The following NBR1 variants were observed in gnomAD, a reference collection of about 807,000 sequenced individuals.
NBR1 encodes next to BRCA1 gene 1 protein.
In NBR1, 59 loss-of-function variants were observed where a neutral mutation model predicts 115.5. The observed-to-expected ratio is 0.51, with a 90% CI of 0.41 to 0.63. NBR1 has a LOEUF of 0.63. Ranked by LOEUF, NBR1 falls within the 30% of genes least tolerant of loss-of-function variation. NBR1 has a pLI of 0.00. For synonymous variants in NBR1, 373 were observed against 414.7 expected, an observed-to-expected ratio of 0.90 and a Z score of 1.22; for missense variants, 1,043 against 1,150.5, an observed-to-expected ratio of 0.91 and a Z score of 1.35.
Position 43,197,064 on chromosome 17 carries a change from G to GC in NBR1, c.1988dup (p.Asp664ArgfsTer19). 6.2e-7 allele frequency: 1 copy of GC among 1,614,008 alleles called. No individual in the cohort carries two copies. The highest frequency in any genetic ancestry group is 8.5e-7 in the Non-Finnish European group (1 of 1,179,888). ...AATCCGATCCCTTACCTTGGATGCT[G>GC]CCCCAGACCACAACCCTCCTTGCAG... On this transcript the variant is annotated frameshift_variant, in exon 16 of 21. Transcript: ENST00000590996. LOFTEE classifies it high-confidence loss of function.
rs1183471752 is a variant in NBR1, at chr17:43,189,757, GCAA to G, written c.655_657del (p.Asn219del). ...AACCAGTTCAGCTGGCATATTGCTT[GCAA>G]CAACTGCCAAAGAAGGATTGTTGGT... On this transcript the variant is annotated inframe_deletion, in exon 8 of 21. Transcript: ENST00000590996. The G allele has an allele frequency of 8.7e-6, 14 of 1,613,862 alleles. No individual in the cohort carries two copies. Among genetic ancestry groups the G allele is most frequent in the African/African-American group, 1.3e-5 (1 of 74,936 alleles).
chr17:43,172,340 C>T, intron 1 of NBR1, among the ~76,000 whole-genome samples: 1 of 152,296 alleles, frequency 6.6e-6, no homozygotes, highest in African/African-American at 2.4e-5. Context: ...TCTCCCACTT[C>T]CTGTTTTCTC....
intron 5 of NBR1, among the ~76,000 whole-genome samples, chr17:43,185,594 G>A (rs903054675): frequency 3.3e-5 from 5 of 152,040 alleles, no homozygotes; most frequent in African/African-American, 1.2e-4. Context: ...CCAGCTACCC[G>A]GGAGGCTGAG....
intron 1 of NBR1, among the ~76,000 whole-genome samples, chr17:43,171,623 G>C (rs949026777): frequency 1.3e-5 from 2 of 152,174 alleles, no homozygotes; most frequent in African/African-American, 2.4e-5. Flanking sequence ...TGGGAACATG[G>C]AGTGCTAGGA....
In NBR1 at chr17:43,189,609, G is replaced by A. The variant is rs536512807; in HGVS notation, c.502G>A (p.Glu168Lys). The change falls in exon 8 of 21, where the codon GAA becomes AAA. Residue 168 changes from glutamate (E) to lysine (K), a missense_variant. Coordinates refer to ENST00000590996, the MANE Select transcript of NBR1 (RefSeq NM_005899.5). ...LETFREQVVN[E>K]TVEKLEQKLH... ...CTAGTTCAGAGAACAAGTGGTTAAC[G>A]AAACGGTTGAGAAGCTTGAACAGAA... 28 of 1,613,738 alleles carry A rather than the reference G, an allele frequency of 1.7e-5. No individual in the cohort carries two copies. The highest frequency in any genetic ancestry group is 2.2e-5 in the Non-Finnish European group (26 of 1,179,826).
At chr17:43,194,642 C>T in intron 13 of NBR1, 143 bp downstream of exon 13, 5 of 909,016 alleles carry the variant, frequency 5.5e-6, no homozygotes, top group East Asian at 2.5e-5. Flanking sequence ...AAGGAGATCA[C>T]CCATGGAAGC....
At chr17:43,190,296 A>C (rs8074136) in intron 8 of NBR1, 129,935 of 376,612 alleles carry the variant, frequency 0.35, 23,550 homozygotes, top group South Asian at 0.5. Context: ...GTCTCAAACT[A>C]CTGGACTCAA....
At chr17:43,209,434 C>G in intron 20 of NBR1, 1 of 746,160 alleles carries the variant, frequency 1.3e-6, no homozygotes, top group South Asian at 1.7e-5. Flanking sequence ...GTTGTAATTT[C>G]CCAAGCTGTT....
intron 19 of NBR1, among the ~76,000 whole-genome samples, chr17:43,203,069 T>A (rs539069790): frequency 1.3e-5 from 2 of 152,006 alleles, no homozygotes; most frequent in East Asian, 3.9e-4. Flanking sequence ...GGTGGGAGAA[T>A]TGCTTGAACC....
chr17:43,190,782 A>C lies in NBR1; in HGVS notation c.863+6A>C. 1 of 1,584,894 alleles carries C rather than the reference A, an allele frequency of 6.3e-7. No individual in the cohort carries two copies. Among genetic ancestry groups the C allele is most frequent in the Non-Finnish European group, 8.6e-7 (1 of 1,164,074 alleles). On this transcript the variant is annotated splice_donor_region_variant and intron_variant, in intron 9 of 20. Transcript: ENST00000590996. ...GCTGCTCTGGAACAAGTCAGGTAAA[A>C]CCCTCTACATGGAGATGCTTATTCT...
chr17:43,186,538 A>G, intron 6 of NBR1, 94 bp downstream of exon 6: 2 of 1,112,244 alleles, frequency 1.8e-6, no homozygotes, highest in East Asian at 5.9e-5. Flanking sequence ...TTTTTATTAT[A>G]CTTTAAGTTC....
At chr17:43,200,699 G>A in intron 17 of NBR1, 91 bp downstream of exon 17, 1 of 1,156,368 alleles carries the variant, frequency 8.6e-7, no homozygotes, top group Non-Finnish European at 1.2e-6. Context: ...TTTTTCCTCA[G>A]TATGGAAAGA....
At chr17:43,179,289 C>T (rs11653460) in intron 3 of NBR1, 105 bp from the exon 4 acceptor site, 328,826 of 977,888 alleles carry the variant, frequency 0.34, 57,497 homozygotes, top group South Asian at 0.5. Context: ...AAAAGCTGAA[C>T]GCTTGGCCTG....
At chr17:43,200,036 T>C (rs2057159747) in intron 16 of NBR1, 131 bp from the exon 17 acceptor site, 1 of 710,232 alleles carries the variant, frequency 1.4e-6, no homozygotes, top group Non-Finnish European at 2.3e-6. Context: ...AACCAGCCCT[T>C]CCCTTTAGTT....
intron 16 of NBR1, among the ~76,000 whole-genome samples, chr17:43,198,561 A>G (rs2057119241): frequency 6.6e-6 from 1 of 152,112 alleles, no homozygotes; most frequent in African/African-American, 2.4e-5. Flanking sequence ...CTGAGGCAGG[A>G]GAACTGCTTG....
intron 13 of NBR1, 45 bp downstream of exon 13, chr17:43,194,544 G>T: frequency 6.2e-7 from 1 of 1,606,372 alleles, no homozygotes; most frequent in African/African-American, 1.3e-5. Flanking sequence ...GAGGGAGAGA[G>T]CACAGGAGAG....
At chr17:43,182,961 A>G (rs1204421814) in intron 5 of NBR1, among the ~76,000 whole-genome samples, 3 of 151,130 alleles carry the variant, frequency 2.0e-5, no homozygotes, top group Non-Finnish European at 4.4e-5. Flanking sequence ...ACGGCGTTTC[A>G]CCATGTTGGC....
At position 43,191,466 on chromosome 17, in the gene NBR1, A is replaced by C. The variant is rs2056944391; in HGVS notation, c.958A>C (p.Lys320Gln). 6.2e-7 allele frequency: 1 copy of C among 1,613,170 alleles called. No homozygotes were observed. Among genetic ancestry groups the C allele is most frequent in the African/African-American group, 1.3e-5 (1 of 75,036 alleles). Reference sequence around the variant, plus strand: ...ACGTAAAGCAGAGGTCAAGGAACTTAAAAAGCAGCTTAAACTCCATAGGAA... The same window carrying C: ...ACGTAAAGCAGAGGTCAAGGAACTTCAAAAGCAGCTTAAACTCCATAGGAA... ...KQRKAEVKEL[K>Q]KQLKLHRKIH... Residue 320 changes from lysine to glutamine, a missense_variant, in exon 10 of 21, where the codon AAA (lysine) becomes CAA (glutamine). Coordinates refer to ENST00000590996, the MANE Select transcript of NBR1 (RefSeq NM_005899.5).
At chr17:43,182,618 T>G (rs1267330597) in intron 5 of NBR1, among the ~76,000 whole-genome samples, 1 of 151,742 alleles carries the variant, frequency 6.6e-6, no homozygotes, top group Non-Finnish European at 1.5e-5. Flanking sequence ...TTGTTTTTAG[T>G]TTCTAATTTT....
Sources: allele counts gnomAD v4.1 joint callset (sites outside exome capture counted in the v4.1 genomes callset), GRCh38; gene constraint gnomAD v4.1.1; transcripts MANE v1.5; gene names NCBI Gene and HGNC (gene_info 2026-07-23, HGNC 2026-07-21).